The following AP1G1 variants were observed in gnomAD, a reference collection of about 807,000 sequenced individuals.
AP1G1 encodes AP-1 complex subunit gamma-1.
AP1G1 carries 7 observed loss-of-function variants against 108.3 expected under a neutral mutation model. The ratio of observed to expected loss-of-function variants is 0.06; its 90% CI spans 0.04 to 0.12. The LOEUF (loss-of-function observed/expected upper bound fraction) is 0.12, where lower values mean the gene tolerates loss of function less well. Ranked by LOEUF, AP1G1 falls within the 10% of genes least tolerant of loss-of-function variation. The pLI is 1.00. For missense variants in AP1G1, 756 were observed against 1,010.7 expected (o/e 0.75, Z 3.42); for synonymous variants, 379 against 353.5 (o/e 1.07, Z -0.81).
At chr16:71,787,266 C>T (rs1597080014) in intron 2 of AP1G1, among the ~76,000 whole-genome samples, 1 of 147,320 alleles carries the variant, frequency 6.8e-6, no homozygotes, top group Admixed American at 7.0e-5. Flanking sequence ...TTGAAGTGAG[C>T]CGAGATCACG....
At chr16:71,738,511 A>G (rs960767160) in intron 21 of AP1G1, among the ~76,000 whole-genome samples, 2 of 152,228 alleles carry the variant, frequency 1.3e-5, no homozygotes, top group Non-Finnish European at 2.9e-5. Flanking sequence ...GTATCAAGAG[A>G]GAAAAAATTT....
chr16:71,740,662 A>C (rs2045608157), intron 19 of AP1G1, among the ~76,000 whole-genome samples: 1 of 152,244 alleles, frequency 6.6e-6, no homozygotes, highest in Non-Finnish European at 1.5e-5. Context: ...GGTGCAAAAA[A>C]GAACACATTC....
intron 1 of AP1G1, 188 bp downstream of exon 1, chr16:71,808,562 GCCTCGGGGTCGGC>G (rs2033081316): frequency 7.8e-7 from 1 of 1,288,434 alleles, no homozygotes; most frequent in Admixed American, 2.3e-5. Context: ...CCGGTCCGAG[GCCTCGGGGTCGGC>G]CCTCCAGAAG....
chr16:71,773,263 T>C lies in AP1G1; in HGVS notation c.426A>G (p.Val142=), dbSNP rs1209872316. ...AGTTGGAGGTTTTCAGGAGCTTCTC[T>C]ACCTCTCCTGCAAGATCTCTGCACA... The part of the protein sequence containing the change: ...SEMCRDLAGE[V]EKLLKTSNSY... Residue 142 remains valine, a synonymous_variant, in exon 4 of 23, where the codon GTA becomes GTG. Coordinates refer to ENST00000299980, the MANE Select transcript of AP1G1 (RefSeq NM_001128.6). The C allele has an allele frequency of 1.9e-6, 3 of 1,613,556 alleles. No homozygotes were observed. Among genetic ancestry groups the C allele is most frequent in the African/African-American group, 2.7e-5 (2 of 74,896 alleles).
At chr16:71,737,812 T>G (rs2045568572) in intron 21 of AP1G1, among the ~76,000 whole-genome samples, 1 of 152,290 alleles carries the variant, frequency 6.6e-6, no homozygotes, top group South Asian at 2.1e-4. Context: ...TCTAAACCAG[T>G]GGTTGGCAAA....
At chr16:71,754,964 G>A (rs2145446686) in intron 12 of AP1G1, among the ~76,000 whole-genome samples, 1 of 152,140 alleles carries the variant, frequency 6.6e-6, no homozygotes, top group South Asian at 2.1e-4. Flanking sequence ...AGAAGAAAAG[G>A]GACTGTTTTC....
At chr16:71,794,381 C>T (rs895678789) in intron 1 of AP1G1, among the ~76,000 whole-genome samples, 2 of 151,990 alleles carry the variant, frequency 1.3e-5, no homozygotes, top group Non-Finnish European at 2.9e-5. Flanking sequence ...CCTCTTTGTC[C>T]TGTTTTTTTA....
Position 71,732,887 on chromosome 16 carries a change from T to C in AP1G1, c.*171A>G. The C allele has an allele frequency of 1.7e-6, 1 of 582,992 alleles. No individual in the cohort carries two copies. The highest frequency in any genetic ancestry group is 2.2e-5 in the South Asian group (1 of 46,086). The allele number at this position is 582,992 out of a possible 1,614,324, so 36.1% of individuals were successfully genotyped here. A position where few individuals can be genotyped will look rare whatever the true frequency, so the allele number is the denominator to read the frequency against. On this transcript the variant is annotated 3_prime_UTR_variant, in exon 23 of 23. Coordinates refer to ENST00000299980, the MANE Select transcript of AP1G1 (RefSeq NM_001128.6). Reference sequence around the variant, plus strand: ...TCAACAGTGGAGGAGAGGACATTAGTCTTTAACAATGCTTCAAGGTCAGCA... The same window carrying C: ...TCAACAGTGGAGGAGAGGACATTAGCCTTTAACAATGCTTCAAGGTCAGCA...
chr16:71,742,153 T>G (rs2029898318), intron 19 of AP1G1: 1 of 151,990 alleles, frequency 6.6e-6, no homozygotes, highest in South Asian at 2.1e-4. Flanking sequence ...TGCTTTAACA[T>G]ATAACACTAG....
At chr16:71,791,644 A>G (rs1401671941) in intron 1 of AP1G1, among the ~76,000 whole-genome samples, 1 of 142,274 alleles carries the variant, frequency 7.0e-6, no homozygotes, top group East Asian at 2.2e-4. Flanking sequence ...GTGACACTGT[A>G]TCCTGGGTGA....
chr16:71,808,787 A>G lies in AP1G1; in HGVS notation c.-28T>C, dbSNP rs1283707264. ...CCGGCCCGAAACCTCGAATGAAACC[A>G]GCAGCTCCGGGGGCGGCGGCAGCAG... On this transcript the variant is annotated 5_prime_UTR_variant, in exon 1 of 23. Transcript: ENST00000299980. 1.6e-6 allele frequency: 2 copies of G among 1,289,676 alleles called. No individual in the cohort carries two copies. Among genetic ancestry groups the G allele is most frequent in the East Asian group, 5.6e-5 (1 of 18,006 alleles). The allele number at this position is 1,289,676 out of a possible 1,614,324, so 79.9% of individuals were successfully genotyped here. A position where few individuals can be genotyped will look rare whatever the true frequency, so the allele number is the denominator to read the frequency against.
chr16:71,780,208 G>C (rs562960795), intron 2 of AP1G1, among the ~76,000 whole-genome samples: 22 of 151,912 alleles, frequency 1.4e-4, no homozygotes, highest in Non-Finnish European at 2.8e-4. Flanking sequence ...TGGCCAGGCT[G>C]GTCTTGAACT....
intron 2 of AP1G1, among the ~76,000 whole-genome samples, chr16:71,784,372 T>C (rs2032127551): frequency 6.6e-6 from 1 of 152,182 alleles, no homozygotes; most frequent in African/African-American, 2.4e-5. Context: ...CAATAACAAC[T>C]ACCTGAGAGG....
chr16:71,750,062 T>A, intron 14 of AP1G1, 79 bp from the exon 15 acceptor site: 4 of 1,486,620 alleles, frequency 2.7e-6, no homozygotes, highest in East Asian at 2.3e-5. Context: ...GGTCATCTCA[T>A]AATAAAGATC....
In AP1G1 at chr16:71,739,298, T is replaced by C; in HGVS notation, c.2043A>G (p.Ile681Met). The C allele has an allele frequency of 6.2e-7, 1 of 1,612,368 alleles. No homozygotes were observed. The highest frequency in any genetic ancestry group is 1.1e-5 in the South Asian group (1 of 90,698). Residue 681 changes from isoleucine (I) to methionine (M), a missense_variant, in exon 20 of 23, where the codon ATA (isoleucine) becomes ATG (methionine). Physicochemically the swap from Ile to Met is conservative, Grantham distance 10. This residue lies in a region of AP1G1 where 357 missense variants were observed against 366.5 expected (regional missense o/e 0.97). Coordinates refer to ENST00000299980, the MANE Select transcript of AP1G1 (RefSeq NM_001128.6). ...CATCCAACAAGAAGGGGGGCTGGGA[T>C]ATCTGTGGGACTGAGGCAGGGGCAG... Reference protein sequence around the residue: ...AAPAPASVPQISQPPFLLDGL... With the variant: ...AAPAPASVPQMSQPPFLLDGL...
intron 19 of AP1G1, among the ~76,000 whole-genome samples, chr16:71,744,590 T>TTTTG (rs55923236): frequency 2.0e-5 from 3 of 149,684 alleles, no homozygotes; most frequent in African/African-American, 7.4e-5. Flanking sequence ...TTTTTTTTTT[T>TTTTG]GGAGACAGAG....
intron 9 of AP1G1, among the ~76,000 whole-genome samples, chr16:71,763,405 GA>G: frequency 6.6e-6 from 1 of 151,992 alleles, no homozygotes; most frequent in East Asian, 1.9e-4. Context: ...CAGACTTTAA[GA>G]ACACAAAAAA....
Position 71,739,336 on chromosome 16 carries a change from G to A in AP1G1, c.2005C>T (p.Pro669Ser), listed in dbSNP as rs773752475. ...LLGDINLTGA[P>S]AAAPAPASVP... is the part of the protein sequence containing the mutation. Reference sequence around the variant, plus strand: ...GAGGCAGGGGCAGGAGCAGCAGCTGGAGCACCTAAAGGAAATATTTTAATG... The same window carrying A: ...GAGGCAGGGGCAGGAGCAGCAGCTGAAGCACCTAAAGGAAATATTTTAATG... Residue 669 changes from proline to serine, a missense_variant, in exon 20 of 23, where the codon CCA becomes TCA. Around this residue, in one of 3 missense-constraint regions of AP1G1, gnomAD observed 357 missense variants for 366.5 expected, o/e 0.97. Transcript: ENST00000299980. The A allele has an allele frequency of 6.3e-7, 1 of 1,597,782 alleles. No homozygotes were observed.
intron 5 of AP1G1, 47 bp from the exon 6 acceptor site, chr16:71,769,746 A>C: frequency 6.7e-7 from 1 of 1,492,086 alleles, no homozygotes; most frequent in South Asian, 1.1e-5. Context: ...CCTATTATTC[A>C]ATTTTATAGA....
Sources: allele counts gnomAD v4.1 joint callset (sites outside exome capture counted in the v4.1 genomes callset), GRCh38; gene constraint gnomAD v4.1.1; regional missense constraint gnomAD v4.1.1; transcripts MANE v1.5; gene names NCBI Gene and HGNC (gene_info 2026-07-23, HGNC 2026-07-21).